ELP4: variants seen among roughly 807,000 people sequenced by gnomAD.
ELP4 encodes elongator acetyltransferase complex subunit 4.
In ELP4, 51 loss-of-function variants were observed where a neutral mutation model predicts 48.9. The observed-to-expected ratio is 1.04, with a 90% CI of 0.83 to 1.32. The LOEUF (loss-of-function observed/expected upper bound fraction) is 1.32, where lower values mean the gene tolerates loss of function less well. ELP4 is among the 40% of genes most tolerant of loss of function. The probability of loss-of-function intolerance (pLI) is 0.00; values close to 1 mark genes in which losing one functional copy is unlikely to be tolerated. For missense variants in ELP4, 519 were observed against 514.6 expected, an observed-to-expected ratio of 1.01 and a Z score of -0.08; for synonymous variants, 210 against 189.2, an observed-to-expected ratio of 1.11 and a Z score of -0.90.
At chr11:31,641,368 A>G (rs2134060395) in intron 7 of ELP4, among the ~76,000 whole-genome samples, 1 of 152,034 alleles carries the variant, frequency 6.6e-6, no homozygotes, top group Admixed American at 6.6e-5. Flanking sequence ...AAGTGTATAT[A>G]TCAACAAACA....
chr11:31,545,118 T>A (rs946095834), intron 3 of ELP4, among the ~76,000 whole-genome samples: 2 of 152,092 alleles, frequency 1.3e-5, no homozygotes, highest in African/African-American at 4.8e-5. Context: ...TCACCAGCAA[T>A]GGAACAAAGT....
At chr11:31,681,614 A>G (rs1254451903) in intron 9 of ELP4, among the ~76,000 whole-genome samples, 2 of 152,224 alleles carry the variant, frequency 1.3e-5, no homozygotes, top group African/African-American at 4.8e-5. Context: ...GAAGACTGAA[A>G]GGGAAAGTAA....
chr11:31,549,767 G>T (rs751363230), intron 3 of ELP4, among the ~76,000 whole-genome samples: 2 of 152,184 alleles, frequency 1.3e-5, no homozygotes, highest in Non-Finnish European at 1.5e-5. Flanking sequence ...ACTGGATTAA[G>T]AAAATGTGGC....
chr11:31,549,854 G>A (rs1592107596), intron 3 of ELP4, among the ~76,000 whole-genome samples: 1 of 152,140 alleles, frequency 6.6e-6, no homozygotes, highest in South Asian at 2.1e-4. Context: ...GGATGAAATT[G>A]GAAATCATCA....
rs1565084225 is a variant in ELP4, at chr11:31,623,380, T to TAAATATAA, written c.654-3729_654-3728insAATATAAA. On this transcript the variant is annotated intron_variant, in intron 5 of 9. Transcript: ENST00000640961. Reference sequence around the variant, plus strand: ...ATATATATATATATATATATATATATATATATATATAAAACTAGAAACATT... The same window carrying TAAATATAA: ...ATATATATATATATATATATATATATAAATATAAATATATATATAAAACTAGAAACATT... Among the ~76,000 whole-genome samples the TAAATATAA allele has an allele frequency of 1.0e-3, 131 of 128,388 alleles. 6 individuals are homozygous for TAAATATAA. The highest frequency in any genetic ancestry group is 3.6e-3 in the African/African-American group (124 of 34,642). The allele number at this position is 128,388 out of a possible 152,430, so 84.2% of individuals were successfully genotyped here.
chr11:31,764,186 C>A (rs951926065), intron 9 of ELP4, among the ~76,000 whole-genome samples: 2 of 152,056 alleles, frequency 1.3e-5, no homozygotes, highest in African/African-American at 4.8e-5. Flanking sequence ...TATTTTATAC[C>A]TAGGTGGACA....
At chr11:31,744,981 C>G (rs1947548200) in intron 9 of ELP4, among the ~76,000 whole-genome samples, 1 of 152,108 alleles carries the variant, frequency 6.6e-6, no homozygotes, top group Admixed American at 6.5e-5. Flanking sequence ...GATTGTATAT[C>G]TAGAAAACCC....
intron 7 of ELP4, among the ~76,000 whole-genome samples, chr11:31,642,934 A>C (rs1195670135): frequency 1.3e-5 from 2 of 151,844 alleles, no homozygotes; most frequent in African/African-American, 4.8e-5. Context: ...AGCATGGAAA[A>C]ATAAATGTCT....
chr11:31,563,175 T>C (rs1004886312), intron 3 of ELP4, among the ~76,000 whole-genome samples: 2 of 152,200 alleles, frequency 1.3e-5, no homozygotes, highest in Non-Finnish European at 2.9e-5. Flanking sequence ...GGATTTCTCA[T>C]GCTGCATGGA....
chr11:31,624,537 A>C (rs1395200632), intron 5 of ELP4, among the ~76,000 whole-genome samples: 2 of 151,604 alleles, frequency 1.3e-5, no homozygotes, highest in African/African-American at 4.8e-5. Context: ...TGGTAAGTGA[A>C]TGTGAAAGCC....
At chr11:31,759,563 C>T (rs1947901937) in intron 9 of ELP4, among the ~76,000 whole-genome samples, 1 of 152,204 alleles carries the variant, frequency 6.6e-6, no homozygotes, top group South Asian at 2.1e-4. Flanking sequence ...GTGTAATATG[C>T]ATCTTCTCAT....
chr11:31,716,050 G>C (rs1946836631), intron 9 of ELP4, among the ~76,000 whole-genome samples: 1 of 152,124 alleles, frequency 6.6e-6, no homozygotes. Context: ...GCCTCGCTGT[G>C]TCACCCAGGC....
At chr11:31,673,126 C>T (rs1404039604) in intron 9 of ELP4, among the ~76,000 whole-genome samples, 1 of 151,610 alleles carries the variant, frequency 6.6e-6, no homozygotes, top group Non-Finnish European at 1.5e-5. Context: ...AAGTGATTCT[C>T]CAGCCTCAGC....
chr11:31,672,643 T>C (rs1261015092), intron 9 of ELP4, among the ~76,000 whole-genome samples: 2 of 151,900 alleles, frequency 1.3e-5, no homozygotes, highest in East Asian at 1.9e-4. Context: ...AATACAAAAA[T>C]TAGCTGGGTG....
At chr11:31,634,736 A>T (rs1392609206) in intron 7 of ELP4, among the ~76,000 whole-genome samples, 1 of 152,040 alleles carries the variant, frequency 6.6e-6, no homozygotes, top group African/African-American at 2.4e-5. Flanking sequence ...CCCCTGTATA[A>T]CTGGAAGAGA....
At chr11:31,765,086 G>A (rs1048348987) in intron 9 of ELP4, among the ~76,000 whole-genome samples, 1 of 152,058 alleles carries the variant, frequency 6.6e-6, no homozygotes, top group Non-Finnish European at 1.5e-5. Flanking sequence ...GGATGAAGAG[G>A]ATAATTATTA....
chr11:31,725,038 G>C (rs1046760892), intron 9 of ELP4, among the ~76,000 whole-genome samples: 1 of 152,142 alleles, frequency 6.6e-6, no homozygotes, highest in African/African-American at 2.4e-5. Context: ...CCTCCAATTC[G>C]TTGGGCCAGG....
At chr11:31,751,597 A>G (rs1248421134) in intron 9 of ELP4, among the ~76,000 whole-genome samples, 2 of 152,228 alleles carry the variant, frequency 1.3e-5, no homozygotes, top group Non-Finnish European at 1.5e-5. Context: ...ATATTTTTTG[A>G]ATGAATGAAA....
At chr11:31,576,370 T>C (rs1957278745) in intron 3 of ELP4, among the ~76,000 whole-genome samples, 2 of 152,092 alleles carry the variant, frequency 1.3e-5, no homozygotes, top group South Asian at 4.1e-4. Context: ...CTGTCAACAT[T>C]AGACAGATCA....
Sources: allele counts gnomAD v4.1 joint callset (sites outside exome capture counted in the v4.1 genomes callset), GRCh38; gene constraint gnomAD v4.1.1; transcripts MANE v1.5; gene names NCBI Gene and HGNC (gene_info 2026-07-23, HGNC 2026-07-21).